The following GLIS1 variants were observed in gnomAD, a reference collection of about 807,000 sequenced individuals.
GLIS1 encodes GLIS family zinc finger 1, also known as zinc finger protein GLIS1.
In GLIS1, 24 loss-of-function variants were observed where a neutral mutation model predicts 63.8. The ratio of observed to expected loss-of-function variants is 0.38; its 90% CI spans 0.27 to 0.53. The LOEUF (loss-of-function observed/expected upper bound fraction) is 0.53, where lower values mean the gene tolerates loss of function less well. GLIS1 is among the 20% of genes least tolerant of loss of function. GLIS1 has a pLI of 0.85. For synonymous variants in GLIS1, 450 were observed against 482.5 expected, an observed-to-expected ratio of 0.93 and a Z score of 0.88; for missense variants, 1,036 against 1,074.1, an observed-to-expected ratio of 0.96 and a Z score of 0.50.
chr1:53,608,427 T>C (rs894482961), intron 2 of GLIS1, among the ~76,000 whole-genome samples: 1 of 152,240 alleles, frequency 6.6e-6, no homozygotes, highest in Admixed American at 6.5e-5. Flanking sequence ...ATATTCATTC[T>C]GTAACACCTA....
At chr1:53,510,545 G>T (rs1480377808) in intron 8 of GLIS1, among the ~76,000 whole-genome samples, 1 of 152,212 alleles carries the variant, frequency 6.6e-6, no homozygotes, top group Non-Finnish European at 1.5e-5. Flanking sequence ...CTGGGAGACA[G>T]GTGTTCTTGT....
chr1:53,508,000 C>T (rs1167810113), intron 10 of GLIS1, among the ~76,000 whole-genome samples: 1 of 152,334 alleles, frequency 6.6e-6, no homozygotes, highest in Middle Eastern at 3.4e-3. Flanking sequence ...CGCGTGGACA[C>T]GGCACACGTT....
Position 53,639,245 on chromosome 1 carries a change from C to T in GLIS1, c.260-38967G>A, listed in dbSNP as rs1243111713. Among the ~76,000 whole-genome samples the T allele has an allele frequency of 6.6e-6, 1 of 152,142 alleles. No homozygotes were observed. Among genetic ancestry groups the T allele is most frequent in the Non-Finnish European group, 1.5e-5 (1 of 68,026 alleles). On this transcript the variant is annotated intron_variant, in intron 2 of 10. Transcript: ENST00000628545. The surrounding 1 kb of genome is among the most constrained non-coding windows in gnomAD (Gnocchi z 4.6). ...ACTGGCCACACTCTCCAGCATTACACTAAGGGAGCTGCGGGCTGGCAGGGC... is the reference window on the plus strand; with the variant it reads ...ACTGGCCACACTCTCCAGCATTACATTAAGGGAGCTGCGGGCTGGCAGGGC...
At position 53,722,966 on chromosome 1, in the gene GLIS1, C is replaced by T. The variant is rs182980389; in HGVS notation, c.259+14840G>A. Among the ~76,000 whole-genome samples the T allele has an allele frequency of 1.3e-4, 20 of 152,010 alleles. No individual in the cohort carries two copies. The East Asian group carries it at 3.7e-3, about 28-fold the overall frequency. ...TGGCCAACATGGTGAAACCCCATCT[C>T]TACTCAGAATACAAAAATTAGCTGG... On this transcript the variant is annotated intron_variant, in intron 2 of 10. Coordinates refer to ENST00000628545, the MANE Select transcript of GLIS1 (RefSeq NM_001367484.1).
In GLIS1 at chr1:53,555,800, AC is replaced by A. The variant is rs140786851; in HGVS notation, c.1321-25849del. Among the ~76,000 whole-genome samples the A allele has an allele frequency of 3.6e-3, 497 of 139,754 alleles. 2 individuals are homozygous for A. The highest frequency in any genetic ancestry group is 0.013 in the African/African-American group (475 of 37,160). 91.7% of individuals were successfully genotyped at this position (139,754 alleles called of 152,430 possible). ...ACTGTAGGTATGTGTGTGCAGGTGT[AC>A]TGCAGGTGTGTGTATGCAGGTGTAC... is the stretch of plus-strand genomic sequence containing the variant. On this transcript the variant is annotated intron_variant, in intron 4 of 10. Transcript: ENST00000628545.
At chr1:53,643,788 G>C (rs1645812995) in intron 2 of GLIS1, among the ~76,000 whole-genome samples, 1 of 152,154 alleles carries the variant, frequency 6.6e-6, no homozygotes, top group Non-Finnish European at 1.5e-5. Context: ...GGGTCTCCTA[G>C]CACTTCAGCC....
intron 7 of GLIS1, among the ~76,000 whole-genome samples, chr1:53,519,755 C>T (rs1644387709): frequency 6.6e-6 from 1 of 152,148 alleles, no homozygotes; most frequent in African/African-American, 2.4e-5. Flanking sequence ...TCTGGGGGCC[C>T]CATCTCTGGG....
intron 4 of GLIS1, among the ~76,000 whole-genome samples, chr1:53,558,494 G>A (rs1644855360): frequency 6.6e-6 from 1 of 152,144 alleles, no homozygotes. Context: ...CAGACTTCCA[G>A]CCATTCTTGA....
chr1:53,579,959 G>A (rs1019241292), intron 4 of GLIS1, among the ~76,000 whole-genome samples: 24 of 152,220 alleles, frequency 1.6e-4, no homozygotes, highest in African/African-American at 5.3e-4. Context: ...AATTGGACAC[G>A]GTTATCATTT....
At chr1:53,629,314 C>T (rs1645627681) in intron 2 of GLIS1, among the ~76,000 whole-genome samples, 1 of 152,154 alleles carries the variant, frequency 6.6e-6, no homozygotes, top group Non-Finnish European at 1.5e-5. Context: ...CTCCCCAATC[C>T]CCTCTGTGCT....
intron 2 of GLIS1, among the ~76,000 whole-genome samples, chr1:53,628,095 G>A (rs1342865629): frequency 6.6e-6 from 1 of 152,162 alleles, no homozygotes; most frequent in Admixed American, 6.5e-5. Flanking sequence ...TCCCCCAAGT[G>A]ACCCATGCAC....
chr1:53,589,294 G>A (rs1645165724), intron 4 of GLIS1, among the ~76,000 whole-genome samples: 1 of 152,170 alleles, frequency 6.6e-6, no homozygotes, highest in South Asian at 2.1e-4. Flanking sequence ...AACAGATAGG[G>A]AATGGCTTGC....
intron 4 of GLIS1, among the ~76,000 whole-genome samples, chr1:53,554,478 C>T (rs1046642261): frequency 7.9e-5 from 12 of 152,296 alleles, no homozygotes; most frequent in African/African-American, 2.2e-4. Flanking sequence ...AAAATTAGAA[C>T]CAAAGCTCAG....
intron 2 of GLIS1, among the ~76,000 whole-genome samples, chr1:53,707,649 C>CA (rs1176045460): frequency 9.2e-4 from 115 of 125,518 alleles, no homozygotes; most frequent in South Asian, 1.3e-3. Flanking sequence ...GACTCCGTCT[C>CA]AAAAAAAAAA....
chr1:53,520,702 T>A lies in GLIS1; in HGVS notation c.1658A>T (p.His553Leu). 1 of 1,607,300 alleles carries A rather than the reference T, an allele frequency of 6.2e-7. No individual in the cohort carries two copies. The highest frequency in any genetic ancestry group is 8.5e-7 in the Non-Finnish European group (1 of 1,177,676). Reference sequence around the variant, plus strand: ...GCTGGCAGCCAGCTGTGTGGACGTGTGGAGCTGCTGCAGGACCAGACACTC... The same window carrying A: ...GCTGGCAGCCAGCTGTGTGGACGTGAGGAGCTGCTGCAGGACCAGACACTC... ...LTECLVLQQLHTSTQLAASDG... is the reference protein window; with the variant it reads ...LTECLVLQQLLTSTQLAASDG... The change falls in exon 7 of 11, where the codon CAC becomes CTC. Residue 553 changes from histidine to leucine, a missense_variant. By Grantham distance (99) the His-to-Leu change is moderately conservative (BLOSUM62 -3). Coordinates refer to ENST00000628545, the MANE Select transcript of GLIS1 (RefSeq NM_001367484.1).
chr1:53,668,022 C>T (rs567180514), intron 2 of GLIS1, among the ~76,000 whole-genome samples: 4 of 152,306 alleles, frequency 2.6e-5, no homozygotes, highest in African/African-American at 9.6e-5. Context: ...TCATCTCGTT[C>T]CATTCTGCTC....
chr1:53,648,337 A>G (rs1173954517), intron 2 of GLIS1, among the ~76,000 whole-genome samples: 1 of 152,202 alleles, frequency 6.6e-6, no homozygotes, highest in Non-Finnish European at 1.5e-5. Context: ...CAGAATGGCT[A>G]AAATTTAAAA....
intron 2 of GLIS1, among the ~76,000 whole-genome samples, chr1:53,608,956 C>T (rs1645398596): frequency 6.6e-6 from 1 of 152,122 alleles, no homozygotes; most frequent in Admixed American, 6.5e-5. Context: ...CCATCCTGTT[C>T]CCCTAAGAAA....
At chr1:53,603,720 C>T (rs1349726878) in intron 2 of GLIS1, among the ~76,000 whole-genome samples, 2 of 152,254 alleles carry the variant, frequency 1.3e-5, no homozygotes, top group Non-Finnish European at 2.9e-5. Context: ...GCACCCGCAA[C>T]CATGTCTCAC....
Sources: gnomAD v4.1 joint callset for allele counts (sites outside exome capture counted in the v4.1 genomes callset) on GRCh38, gnomAD v4.1.1 for gene constraint, Gnocchi (gnomAD v3.1) non-coding constraint, MANE v1.5 for transcripts, NCBI Gene and HGNC (gene_info 2026-07-23, HGNC 2026-07-21) for gene names.